Variants in ESM1 observed in about 807,000 individuals in gnomAD.
ESM1 encodes the protein endothelial cell specific molecule 1, also known as endothelial cell-specific molecule 1.
A neutral mutation model predicts 14.9 loss-of-function variants in ESM1; 7 were observed. That is an observed-to-expected ratio of 0.47 (90% CI 0.27 to 0.88). The LOEUF (loss-of-function observed/expected upper bound fraction) is 0.88. Ranked by LOEUF, ESM1 falls within the 40% of genes least tolerant of loss-of-function variation. The pLI, the probability that ESM1 is intolerant of heterozygous loss-of-function variation, is 0.14. For missense variants in ESM1, 192 were observed against 237.9 expected (o/e 0.81, Z 1.27); for synonymous variants, 89 against 89.4 (o/e 1.00, Z 0.02).
At chr5:54,980,667 A>G (rs550150196) in intron 2 of ESM1, among the ~76,000 whole-genome samples, 4 of 152,202 alleles carry the variant, frequency 2.6e-5, no homozygotes, top group African/African-American at 9.7e-5. Flanking sequence ...TAAGAATCTC[A>G]ATGCCTAACT....
intron 2 of ESM1, among the ~76,000 whole-genome samples, chr5:54,980,044 C>T (rs1009402877): frequency 6.6e-6 from 1 of 152,196 alleles, no homozygotes; most frequent in Non-Finnish European, 1.5e-5. Flanking sequence ...TGGCAGTGCA[C>T]ATTCTGATGT....
In ESM1 at chr5:54,985,454, T is replaced by C; in HGVS notation, c.64A>G (p.Asn22Asp). Residue 22 changes from asparagine (N) to aspartate (D), a missense_variant, in exon 1 of 3, where the codon AAT (asparagine) becomes GAT (aspartate). Transcript: ENST00000381405. Reference protein sequence around the residue: ...VPAHLVAAWSNNYAVDCPQHC... With the variant: ...VPAHLVAAWSDNYAVDCPQHC... Reference sequence around the variant, plus strand: ...TGAGGGCAGTCCACCGCATAATTATTGCTCCAGGCGGCCACCAGGTGTGCA... The same window carrying C: ...TGAGGGCAGTCCACCGCATAATTATCGCTCCAGGCGGCCACCAGGTGTGCA... 1 of 1,612,542 alleles carries C rather than the reference T, an allele frequency of 6.2e-7. No individual in the cohort carries two copies. Among genetic ancestry groups the C allele is most frequent in the Non-Finnish European group, 8.5e-7 (1 of 1,178,760 alleles).
chr5:54,982,179 G>T (rs748725040), intron 1 of ESM1, 33 bp from the exon 2 acceptor site: 1 of 1,609,240 alleles, frequency 6.2e-7, no homozygotes, highest in Admixed American at 1.7e-5. Context: ...AGAGGACGCT[G>T]CTTGTTGTAA....
chr5:54,979,182 C>T lies in ESM1; in HGVS notation c.*150G>A. On this transcript the variant is annotated 3_prime_UTR_variant, in exon 3 of 3. Coordinates refer to ENST00000381405, the MANE Select transcript of ESM1 (RefSeq NM_007036.5). ...ATGGATGTTATGGATTGTAAGTATC[C>T]TACTTTTTGTTTTCTGGATCCACCA... 1.6e-6 allele frequency: 1 copy of T among 631,606 alleles called. No individual in the cohort carries two copies. The highest frequency in any genetic ancestry group is 2.9e-6 in the Non-Finnish European group (1 of 349,620). The allele number at this position is 631,606 out of a possible 1,614,324, so 39.1% of individuals were successfully genotyped here.
rs889258349 is a variant in ESM1 at position 54,979,020 on chromosome 5, C to G, written c.*312G>C. 3.6e-5 allele frequency: 8 copies of G among 221,884 alleles called. No homozygotes were observed. The highest frequency in any genetic ancestry group is 1.8e-4 in the African/African-American group (8 of 43,336). The allele number at this position is 221,884 out of a possible 1,614,324, so 13.7% of individuals were successfully genotyped here. The stretch of plus-strand genomic sequence containing the variant: ...CACTGCGGTCTTCAGCTTTGCCTAG[C>G]TCCCTCTTTGGTTGACCTGTCTCCA... On this transcript the variant is annotated 3_prime_UTR_variant, in exon 3 of 3. Transcript: ENST00000381405.
chr5:54,980,268 T>C (rs570144316), intron 2 of ESM1, among the ~76,000 whole-genome samples: 25 of 152,296 alleles, frequency 1.6e-4, no homozygotes, highest in Non-Finnish European at 2.9e-4. Context: ...AGGTGGAAAG[T>C]TGGAGAAGAC....
At chr5:54,980,977 G>A (rs1471277376) in intron 2 of ESM1, among the ~76,000 whole-genome samples, 1 of 152,076 alleles carries the variant, frequency 6.6e-6, no homozygotes, top group Admixed American at 6.6e-5. Context: ...CCATCTCTGT[G>A]ACTATATGTT....
In ESM1 at chr5:54,978,376, TTAC is replaced by T. The variant is rs372677000; in HGVS notation, c.*953_*955del. ...TTTCTTATGCTTATTAAGGTTATTA[TTAC>T]TATAATTATGGATAATAAATTTATC... is the stretch of plus-strand genomic sequence containing the variant. On this transcript the variant is annotated 3_prime_UTR_variant, in exon 3 of 3. Transcript: ENST00000381405. 26 of 152,168 alleles carry T rather than the reference TTAC, an allele frequency of 1.7e-4. No individual in the cohort carries two copies. The South Asian group carries it at 3.7e-3, about 22-fold the overall frequency. 9.4% of individuals were successfully genotyped at this position (152,168 alleles called of 1,614,324 possible).
At chr5:54,984,770 C>T (rs1740501864) in intron 1 of ESM1, among the ~76,000 whole-genome samples, 1 of 152,156 alleles carries the variant, frequency 6.6e-6, no homozygotes, top group Admixed American at 6.5e-5. Context: ...AGTGGCCCTC[C>T]ATCCTGTGGA....
chr5:54,983,991 C>A (rs111556678), intron 1 of ESM1, among the ~76,000 whole-genome samples: 31 of 152,138 alleles, frequency 2.0e-4, no homozygotes, highest in African/African-American at 7.5e-4. Context: ...CATATGTGTT[C>A]ACCAAACAAA....
At chr5:54,984,267 T>G (rs1293580115) in intron 1 of ESM1, among the ~76,000 whole-genome samples, 1 of 152,114 alleles carries the variant, frequency 6.6e-6, no homozygotes, top group East Asian at 1.9e-4. Context: ...TTTTTATAAT[T>G]TTGAAAGCTT....
rs1561243808 is a variant in ESM1, at chr5:54,980,960, A to G, written c.451+1037T>C. ...GTGGGAAAAAGTATATCATTTGTTGATACTAGCCATCTCTGTGACTATATG... is the reference window on the plus strand; with the variant it reads ...GTGGGAAAAAGTATATCATTTGTTGGTACTAGCCATCTCTGTGACTATATG... On this transcript the variant is annotated intron_variant, in intron 2 of 2. Coordinates refer to ENST00000381405, the MANE Select transcript of ESM1 (RefSeq NM_007036.5). 2.6e-5 allele frequency among the ~76,000 whole-genome samples: 4 copies of G among 152,138 alleles called. No homozygotes were observed. The South Asian group carries it at 8.3e-4, about 31-fold the overall frequency.
At position 54,979,414 on chromosome 5, in the gene ESM1, T is replaced by C; in HGVS notation, c.473A>G (p.Asp158Gly). 2.5e-6 allele frequency: 4 copies of C among 1,612,482 alleles called. No individual in the cohort carries two copies. Among genetic ancestry groups the C allele is most frequent in the African/African-American group, 2.7e-5 (2 of 74,968 alleles). The change falls in exon 3 of 3, where the codon GAT becomes GGT. Residue 158 changes from aspartate to glycine, a missense_variant. Transcript: ENST00000381405. ...SLTEHDMASG[D>G]GNIVREEVVK... is the part of the protein sequence containing the mutation. ...AACTTCTTCTCTCACAATATTGCCA[T>C]CTCCAGATGCCATGTCATGCTCTGA...
chr5:54,979,812 G>A (rs988650996), intron 2 of ESM1, among the ~76,000 whole-genome samples: 2 of 152,180 alleles, frequency 1.3e-5, no homozygotes, highest in African/African-American at 2.4e-5. Flanking sequence ...AAATACTTAT[G>A]GAATAGGCAA....
intron 1 of ESM1, 72 bp downstream of exon 1, chr5:54,985,145 A>T: frequency 7.1e-7 from 1 of 1,416,780 alleles, no homozygotes; most frequent in Non-Finnish European, 9.6e-7. Flanking sequence ...GAGCAAAGCC[A>T]CCTCACCTCC....
intron 2 of ESM1, among the ~76,000 whole-genome samples, chr5:54,979,837 G>A (rs1561243433): frequency 1.3e-5 from 2 of 152,170 alleles, no homozygotes; most frequent in Non-Finnish European, 2.9e-5. Context: ...TGTACAAACA[G>A]GTCTCAAGTT....
chr5:54,981,465 C>T (rs1265057634), intron 2 of ESM1, among the ~76,000 whole-genome samples: 7 of 152,148 alleles, frequency 4.6e-5, no homozygotes, highest in Admixed American at 4.6e-4. Flanking sequence ...CAATCACATA[C>T]TATTTCTTAT....
At chr5:54,984,356 G>T (rs948135824) in intron 1 of ESM1, among the ~76,000 whole-genome samples, 7 of 152,000 alleles carry the variant, frequency 4.6e-5, no homozygotes, top group Admixed American at 2.0e-4. Flanking sequence ...AAGATCATGA[G>T]ATATCTATAC....
intron 1 of ESM1, among the ~76,000 whole-genome samples, chr5:54,982,549 G>A (rs927818213): frequency 7.9e-5 from 12 of 152,184 alleles, no homozygotes; most frequent in Non-Finnish European, 2.9e-5. Flanking sequence ...TTTTTAAAAT[G>A]TGATGCTATC....
Sources: gnomAD v4.1 joint callset for allele counts (sites outside exome capture counted in the v4.1 genomes callset) on GRCh38, gnomAD v4.1.1 for gene constraint, MANE v1.5 for transcripts, NCBI Gene and HGNC (gene_info 2026-07-23, HGNC 2026-07-21) for gene names.